The following POF1B variants were observed in gnomAD, a reference collection of about 807,000 sequenced individuals.
POF1B encodes the protein protein POF1B.
Under a neutral mutation model 55.3 loss-of-function variants are expected in POF1B, and 53 were observed. The ratio of observed to expected loss-of-function variants is 0.96; its 90% CI spans 0.77 to 1.20. POF1B has a LOEUF of 1.20. Ranked by LOEUF, POF1B falls within the 50% of genes most tolerant of loss-of-function variation. The pLI is 0.00. For synonymous variants in POF1B, 188 were observed against 148.3 expected (o/e 1.27, Z -1.95); for missense variants, 478 against 420.5 (o/e 1.14, Z -1.20).
intron 2 of POF1B, among the ~76,000 whole-genome samples, chrX:85,371,190 TG>T (rs756303341): frequency 1.8e-5 from 2 of 111,782 alleles, no homozygotes; most frequent in African/African-American, 3.3e-5. Context: ...AAATGAGAAA[TG>T]GGATATGGGT....
intron 6 of POF1B, among the ~76,000 whole-genome samples, chrX:85,334,587 A>G (rs185352261): frequency 9.0e-6 from 1 of 111,480 alleles, no homozygotes; most frequent in African/African-American, 3.2e-5. Context: ...GCCCATGATG[A>G]TAATAGCTCC....
chrX:85,278,586 G>A lies in POF1B; in HGVS notation c.*835C>T, dbSNP rs1057516019. 9.0e-6 allele frequency: 1 copy of A among 110,963 alleles called. No individual in the cohort carries two copies. Among genetic ancestry groups the A allele is most frequent in the Non-Finnish European group, 1.9e-5 (1 of 52,486 alleles). 9.1% of individuals were successfully genotyped at this position (110,963 alleles called of 1,213,427 possible). ...TGTTGCTGCTATTTTTATTCCCTAA[G>A]TCTTTATATCTATGTAATATTTCAA... On this transcript the variant is annotated 3_prime_UTR_variant, in exon 17 of 17. Transcript: ENST00000262753.
At chrX:85,360,837 T>C (rs1933603816) in intron 3 of POF1B, among the ~76,000 whole-genome samples, 1 of 109,702 alleles carries the variant, frequency 9.1e-6, no homozygotes, top group Non-Finnish European at 1.9e-5. Context: ...CCACCAACAA[T>C]GTATAAGCTT....
At chrX:85,337,570 G>A (rs1933099212) in intron 6 of POF1B, among the ~76,000 whole-genome samples, 2 of 111,270 alleles carry the variant, frequency 1.8e-5, no homozygotes, top group African/African-American at 6.5e-5. Flanking sequence ...TGTCCATCTC[G>A]CCCCACCTCC....
rs1406198026 is a variant in POF1B at position 85,305,818 on chromosome X, C to T, written c.1410G>A (p.Glu470=). 8.3e-7 allele frequency: 1 copy of T among 1,209,585 alleles called. No homozygotes were observed. The highest frequency in any genetic ancestry group is 2.2e-5 in the Admixed American group (1 of 45,837). Residue 470 remains glutamate (E), a synonymous_variant, in exon 13 of 17, where the codon GAG becomes GAA. Transcript: ENST00000262753. ...YTEMVKNLRM[E]KDREICRLRS... is the part of the protein sequence containing the mutation. ...TCAGTCTGCAGATCTCTCTATCTTT[C>T]TCCATTCTCAAGTTTTTTACCATCT...
intron 6 of POF1B, 115 bp from the exon 7 acceptor site, chrX:85,331,194 CA>C: frequency 4.0e-6 from 3 of 756,133 alleles, no homozygotes; most frequent in East Asian, 3.9e-5. Flanking sequence ...TAAATCAAGC[CA>C]TTTTTTTCAG....
chrX:85,371,759 T>C (rs1436695453), intron 2 of POF1B, among the ~76,000 whole-genome samples: 1 of 111,530 alleles, frequency 9.0e-6, no homozygotes, highest in Non-Finnish European at 1.9e-5. Context: ...CACCCACAAG[T>C]AGCTGTGTGA....
At chrX:85,349,287 T>C (rs1933332223) in intron 5 of POF1B, among the ~76,000 whole-genome samples, 2 of 111,491 alleles carry the variant, frequency 1.8e-5, no homozygotes, top group African/African-American at 3.2e-5. Context: ...AAAAATAAAA[T>C]GAGTTCTTAT....
chrX:85,303,750 A>T (rs1447410191), intron 14 of POF1B, among the ~76,000 whole-genome samples: 2 of 111,197 alleles, frequency 1.8e-5, no homozygotes, highest in Non-Finnish European at 3.8e-5. Context: ...ATAACTTGAG[A>T]TTGAATGGGC....
chrX:85,308,188 C>T lies in POF1B; in HGVS notation c.986G>A (p.Arg329Gln), dbSNP rs75398746. 2,710 of 1,178,639 alleles carry T rather than the reference C, an allele frequency of 2.3e-3. 5 individuals carry two copies. Among genetic ancestry groups the T allele is most frequent in the Middle Eastern group, 0.014 (60 of 4,227 alleles). ...GTTGCTAAATGTGGACAGCACTAGTCGGAGTGACTTATCAGACATACCCCT... is the reference window on the plus strand; with the variant it reads ...GTTGCTAAATGTGGACAGCACTAGTTGGAGTGACTTATCAGACATACCCCT... Reference protein sequence around the residue: ...QMRGMSDKSLRLVLSTFSNIR... With the variant: ...QMRGMSDKSLQLVLSTFSNIR... The change falls in exon 10 of 17, where the codon CGA becomes CAA. Residue 329 changes from arginine to glutamine, a missense_variant. Physicochemically the swap from Arg to Gln is conservative, Grantham distance 43. Transcript: ENST00000262753.
At chrX:85,328,427 A>G (rs1932925775) in intron 7 of POF1B, among the ~76,000 whole-genome samples, 1 of 110,143 alleles carries the variant, frequency 9.1e-6, no homozygotes, top group African/African-American at 3.3e-5. Flanking sequence ...GATGGTCTCA[A>G]TCTCCTGACC....
At chrX:85,368,885 T>G (rs954739424) in intron 2 of POF1B, among the ~76,000 whole-genome samples, 4 of 111,667 alleles carry the variant, frequency 3.6e-5, no homozygotes, top group African/African-American at 1.3e-4. Context: ...CTCCATTATA[T>G]CTTCCTACAA....
intron 4 of POF1B, among the ~76,000 whole-genome samples, chrX:85,352,954 T>A (rs1201706662): frequency 1.8e-5 from 2 of 111,404 alleles, no homozygotes; most frequent in Non-Finnish European, 3.8e-5. Flanking sequence ...AAACCTAAAA[T>A]ATTTGTTATC....
Position 85,379,027 on chromosome X carries a change from T to A in POF1B, c.282+146A>T, listed in dbSNP as rs764962709. On this transcript the variant is annotated intron_variant, in intron 2 of 16. Transcript: ENST00000262753. ...AGTAAGTGAAATAACAGCCAAGAGATGAATTTGGGTGACTATCCAAGGCAT... is the reference window on the plus strand; with the variant it reads ...AGTAAGTGAAATAACAGCCAAGAGAAGAATTTGGGTGACTATCCAAGGCAT... 21 of 623,494 alleles carry A rather than the reference T, an allele frequency of 3.4e-5. No individual in the cohort carries two copies. The African/African-American group carries it at 4.1e-4, about 12-fold the overall frequency. The allele number at this position is 623,494 out of a possible 1,213,427, so 51.4% of individuals were successfully genotyped here.
intron 5 of POF1B, 39 bp from the exon 6 acceptor site, chrX:85,346,081 T>C (rs1181780649): frequency 4.7e-5 from 44 of 944,026 alleles, no homozygotes; most frequent in Non-Finnish European, 6.1e-5. Flanking sequence ...CCACTTAGGA[T>C]AAACATTACT....
chrX:85,291,603 A>AT (rs1470798013), intron 15 of POF1B, among the ~76,000 whole-genome samples: 2 of 110,809 alleles, frequency 1.8e-5, no homozygotes, highest in Admixed American at 1.9e-4. Context: ...GTCATCTCTG[A>AT]TTTTTTTTGA....
At chrX:85,351,171 A>G (rs73513687) in intron 5 of POF1B, among the ~76,000 whole-genome samples, 179 bp downstream of exon 5, 1 of 111,017 alleles carries the variant, frequency 9.0e-6, no homozygotes, top group African/African-American at 3.3e-5. Context: ...ATAATACTTC[A>G]CATGAAAAAT....
intron 7 of POF1B, among the ~76,000 whole-genome samples, chrX:85,320,920 T>C (rs1221877546): frequency 9.1e-6 from 1 of 109,950 alleles, no homozygotes; most frequent in African/African-American, 3.3e-5. Flanking sequence ...AATAGACCAA[T>C]AACAGGATCT....
At chrX:85,335,424 T>C (rs770348247) in intron 6 of POF1B, among the ~76,000 whole-genome samples, 1 of 111,738 alleles carries the variant, frequency 8.9e-6, no homozygotes, top group South Asian at 3.7e-4. Flanking sequence ...GAACATTTAA[T>C]ATCTGTTAGA....
Sources: gnomAD v4.1 joint callset for allele counts (sites outside exome capture counted in the v4.1 genomes callset) on GRCh38, gnomAD v4.1.1 for gene constraint, MANE v1.5 for transcripts, NCBI Gene and HGNC (gene_info 2026-07-23, HGNC 2026-07-21) for gene names.